Variants in TRIM29 observed in about 807,000 individuals in gnomAD.
TRIM29 encodes tripartite motif-containing protein 29.
TRIM29 carries 52 observed loss-of-function variants against 57.3 expected under a neutral mutation model. The ratio of observed to expected loss-of-function variants is 0.91; its 90% CI spans 0.73 to 1.14. The LOEUF (loss-of-function observed/expected upper bound fraction) is 1.14, where lower values mean the gene tolerates loss of function less well. Ranked by LOEUF, TRIM29 falls within the 50% of genes most tolerant of loss-of-function variation. TRIM29 has a pLI of 0.00. For missense variants in TRIM29, 753 were observed against 774.6 expected (o/e 0.97, Z 0.33); for synonymous variants, 319 against 316.9 (o/e 1.01, Z -0.07).
intron 4 of TRIM29, chr11:120,123,977 G>A (rs991046180): frequency 1.9e-5 from 3 of 160,766 alleles, no homozygotes; most frequent in South Asian, 1.8e-4. Flanking sequence ...GGCTAGCATC[G>A]GGGAGGAGTG....
In TRIM29 at chr11:120,127,491, C is replaced by T; in HGVS notation, c.979G>A (p.Glu327Lys). Residue 327 changes from glutamate (E) to lysine (K), a missense_variant, in exon 3 of 9, where the codon GAA becomes AAA. Glu to Lys is a moderately conservative substitution (Grantham distance 56). Transcript: ENST00000341846. The part of the protein sequence containing the change: ...LVRDLEKQKE[E>K]VRAALEQREQ... ...CGCTGCTCCAGCGCAGCCCTCACTT[C>T]CTCCTTTTGCTTCTCCAGGTCCCGC... 6.2e-7 allele frequency: 1 copy of T among 1,614,244 alleles called. No individual in the cohort carries two copies. The highest frequency in any genetic ancestry group is 8.5e-7 in the Non-Finnish European group (1 of 1,180,048).
At chr11:120,122,902 C>T in intron 5 of TRIM29, 52 bp downstream of exon 5, 1 of 1,526,910 alleles carries the variant, frequency 6.5e-7, no homozygotes, top group Non-Finnish European at 9.0e-7. Context: ...ACTTTGGGGG[C>T]CCCTGGGCAG....
intron 6 of TRIM29, among the ~76,000 whole-genome samples, chr11:120,118,603 C>T (rs532797954): frequency 6.6e-6 from 1 of 151,602 alleles, no homozygotes; most frequent in Non-Finnish European, 1.5e-5. Context: ...GTGAGTTGCT[C>T]CCCCAACCCC....
chr11:120,123,228 G>T (rs1345850227), intron 4 of TRIM29, 173 bp from the exon 5 acceptor site: 3 of 702,994 alleles, frequency 4.3e-6, no homozygotes, highest in Non-Finnish European at 7.8e-6. Context: ...CATTCACTCG[G>T]TTCCTGAGCT....
chr11:120,127,245 G>A (rs1357009766), intron 3 of TRIM29, 91 bp downstream of exon 3: 4 of 1,092,866 alleles, frequency 3.7e-6, no homozygotes, highest in African/African-American at 1.5e-5. Flanking sequence ...AGGTGGATAA[G>A]TGGATAGGTG....
intron 4 of TRIM29, chr11:120,123,958 T>G (rs1484732222): frequency 6.1e-6 from 1 of 163,834 alleles, no homozygotes; most frequent in Non-Finnish European, 1.3e-5. Flanking sequence ...GTCCCTGGTC[T>G]GGTGGGCAGG....
chr11:120,133,716 G>A (rs1208250412), intron 1 of TRIM29, among the ~76,000 whole-genome samples: 2 of 152,210 alleles, frequency 1.3e-5, no homozygotes, highest in African/African-American at 4.8e-5. Context: ...AAGGACCAGC[G>A]GCTGCCCATG....
intron 6 of TRIM29, among the ~76,000 whole-genome samples, chr11:120,119,646 AG>A (rs1028486469): frequency 6.6e-6 from 1 of 152,118 alleles, no homozygotes; most frequent in Non-Finnish European, 1.5e-5. Flanking sequence ...TATGTGGAGG[AG>A]GGGTGCCGCT....
chr11:120,121,160 C>T (rs989667818), intron 5 of TRIM29, among the ~76,000 whole-genome samples: 1 of 152,106 alleles, frequency 6.6e-6, no homozygotes. Flanking sequence ...TATTCTAGCC[C>T]TCTGTTACCT....
intron 1 of TRIM29, among the ~76,000 whole-genome samples, chr11:120,129,074 CTT>C (rs1486800183): frequency 6.6e-6 from 1 of 152,176 alleles, no homozygotes; most frequent in Admixed American, 6.5e-5. Context: ...AAGACGGAGA[CTT>C]TTACCCAGGG....
At chr11:120,135,020 C>T (rs537568565) in intron 1 of TRIM29, among the ~76,000 whole-genome samples, 93 of 152,286 alleles carry the variant, frequency 6.1e-4, no homozygotes, top group African/African-American at 2.1e-3. Flanking sequence ...ATCATGAGCC[C>T]TCCCTCAAGG....
At chr11:120,114,938 G>A (rs959595339) in intron 8 of TRIM29, among the ~76,000 whole-genome samples, 2 of 152,080 alleles carry the variant, frequency 1.3e-5, no homozygotes, top group Non-Finnish European at 2.9e-5. Context: ...CAGAACTGGA[G>A]AACTGCCCCC....
intron 8 of TRIM29, among the ~76,000 whole-genome samples, chr11:120,114,092 T>C (rs1020720317): frequency 6.6e-6 from 1 of 152,234 alleles, no homozygotes; most frequent in South Asian, 2.1e-4. Context: ...CCCAGGGAAA[T>C]TGATTCCCAG....
chr11:120,136,551 C>T (rs1413384307), intron 1 of TRIM29, among the ~76,000 whole-genome samples: 3 of 152,212 alleles, frequency 2.0e-5, no homozygotes, highest in Admixed American at 6.5e-5. Context: ...CAACCACACA[C>T]GCAAAACACA....
intron 6 of TRIM29, among the ~76,000 whole-genome samples, chr11:120,120,169 T>C (rs73575909): frequency 8.3e-6 from 1 of 120,662 alleles, no homozygotes; most frequent in Non-Finnish European, 1.9e-5. Context: ...GCCCTCATAC[T>C]TGTGGGGGGG....
intron 1 of TRIM29, among the ~76,000 whole-genome samples, chr11:120,134,776 G>A (rs1231690511): frequency 6.6e-6 from 1 of 152,210 alleles, no homozygotes; most frequent in Non-Finnish European, 1.5e-5. Flanking sequence ...TCAAACACTG[G>A]AAGAGGGCTT....
chr11:120,119,493 C>T (rs902335177), intron 6 of TRIM29, among the ~76,000 whole-genome samples: 3 of 152,352 alleles, frequency 2.0e-5, no homozygotes, highest in Admixed American at 2.0e-4. Context: ...CGAGGCCAGA[C>T]ACCTTGCCCT....
At chr11:120,118,396 G>A in intron 6 of TRIM29, 75 bp from the exon 7 acceptor site, 2 of 1,177,310 alleles carry the variant, frequency 1.7e-6, no homozygotes. Context: ...GACACAGCCA[G>A]GTCTATGACT....
intron 1 of TRIM29, chr11:120,128,848 G>T (rs945156475): frequency 1.3e-6 from 2 of 1,501,966 alleles, no homozygotes; most frequent in African/African-American, 1.4e-5. Flanking sequence ...TGGACCTGGG[G>T]ACAATGGGAA....
Sources: gnomAD v4.1 joint callset for allele counts (sites outside exome capture counted in the v4.1 genomes callset) on GRCh38, gnomAD v4.1.1 for gene constraint, MANE v1.5 for transcripts, NCBI Gene and HGNC (gene_info 2026-07-23, HGNC 2026-07-21) for gene names.